The following SORCS1 variants were observed in gnomAD, a reference collection of about 807,000 sequenced individuals.
SORCS1 encodes the protein sortilin related VPS10 domain containing receptor 1.
A neutral mutation model predicts 146.1 loss-of-function variants in SORCS1; 60 were observed. That is an observed-to-expected ratio of 0.41 (90% CI 0.33 to 0.51). The LOEUF is 0.51. SORCS1 is among the 20% of genes least tolerant of loss of function. The probability of loss-of-function intolerance (pLI) is 0.21; values close to 1 mark genes in which losing one functional copy is unlikely to be tolerated. For missense variants in SORCS1, 1,352 were observed against 1,487.6 expected, an observed-to-expected ratio of 0.91 and a Z score of 1.50; for synonymous variants, 637 against 584.0, an observed-to-expected ratio of 1.09 and a Z score of -1.31.
intron 2 of SORCS1, among the ~76,000 whole-genome samples, chr10:106,942,206 C>A (rs919481422): frequency 6.6e-6 from 1 of 152,178 alleles, no homozygotes; most frequent in Non-Finnish European, 1.5e-5. Flanking sequence ...AATTCACACT[C>A]CTCTGGGTAT....
chr10:106,896,807 G>A (rs539120530), intron 2 of SORCS1, among the ~76,000 whole-genome samples: 65 of 151,658 alleles, frequency 4.3e-4, no homozygotes, highest in Admixed American at 1.4e-3. Flanking sequence ...TTCACAGGGA[G>A]AGATGAAATG....
At chr10:107,073,246 G>A (rs187782535) in intron 1 of SORCS1, among the ~76,000 whole-genome samples, 2 of 152,226 alleles carry the variant, frequency 1.3e-5, no homozygotes, top group Non-Finnish European at 2.9e-5. Flanking sequence ...ATTTTCTAAG[G>A]AGCATTTCCG....
At chr10:106,579,271 C>T (rs756707130) in intron 25 of SORCS1, 98 bp downstream of exon 25, 2 of 1,613,876 alleles carry the variant, frequency 1.2e-6, no homozygotes, top group East Asian at 2.2e-5. Flanking sequence ...TAATAGAAAC[C>T]ATCACTGCTA....
chr10:106,660,143 C>T (rs569417590), intron 17 of SORCS1, among the ~76,000 whole-genome samples: 1 of 152,222 alleles, frequency 6.6e-6, no homozygotes, highest in African/African-American at 2.4e-5. Context: ...ACAAGGCAAC[C>T]AAAACAGAAT....
intron 3 of SORCS1, among the ~76,000 whole-genome samples, chr10:106,819,484 G>A (rs1374754820): frequency 6.6e-6 from 1 of 152,178 alleles, no homozygotes; most frequent in African/African-American, 2.4e-5. Flanking sequence ...AATAGGTGCT[G>A]AGTTGGTATA....
intron 24 of SORCS1, among the ~76,000 whole-genome samples, chr10:106,580,908 A>C (rs1844862475): frequency 6.6e-6 from 1 of 152,114 alleles, no homozygotes; most frequent in Admixed American, 6.5e-5. Context: ...CACTGAATAT[A>C]AGGAACCCCC....
intron 1 of SORCS1, among the ~76,000 whole-genome samples, chr10:107,151,586 G>T (rs926102355): frequency 2.0e-5 from 3 of 152,122 alleles, no homozygotes; most frequent in African/African-American, 7.2e-5. Flanking sequence ...AATAGCACAG[G>T]AAAGACCAAC....
At chr10:106,730,597 C>T (rs1221547749) in intron 5 of SORCS1, among the ~76,000 whole-genome samples, 2 of 152,204 alleles carry the variant, frequency 1.3e-5, no homozygotes, top group Non-Finnish European at 2.9e-5. Flanking sequence ...GCAGCAGTTA[C>T]AGCAGAGTGA....
chr10:106,708,630 T>C (rs185095625), intron 7 of SORCS1, among the ~76,000 whole-genome samples: 2 of 152,312 alleles, frequency 1.3e-5, no homozygotes, highest in African/African-American at 4.8e-5. Context: ...TTCTCCACTC[T>C]CTTGGGGGTG....
chr10:106,588,194 C>T (rs1845359624), intron 24 of SORCS1, among the ~76,000 whole-genome samples: 1 of 152,194 alleles, frequency 6.6e-6, no homozygotes, highest in South Asian at 2.1e-4. Context: ...TCTTGGCTGG[C>T]CTTTGCCATT....
intron 2 of SORCS1, among the ~76,000 whole-genome samples, chr10:106,911,697 G>A (rs1952164894): frequency 6.6e-6 from 1 of 152,110 alleles, no homozygotes; most frequent in Non-Finnish European, 1.5e-5. Flanking sequence ...TCTCAACCCT[G>A]GTTGTCCATT....
At chr10:106,611,706 T>C (rs1226210807) in intron 22 of SORCS1, among the ~76,000 whole-genome samples, 2 of 152,218 alleles carry the variant, frequency 1.3e-5, no homozygotes, top group Non-Finnish European at 2.9e-5. Context: ...CGTGGTTCCA[T>C]AGTTGCATCC....
chr10:107,079,279 G>A (rs976749179), intron 1 of SORCS1, among the ~76,000 whole-genome samples: 2 of 151,852 alleles, frequency 1.3e-5, no homozygotes, highest in East Asian at 3.9e-4. Flanking sequence ...TGAAAGACAT[G>A]GTACCTTTCA....
intron 2 of SORCS1, among the ~76,000 whole-genome samples, chr10:106,940,906 T>A (rs1954010257): frequency 6.6e-6 from 1 of 152,000 alleles, no homozygotes; most frequent in Non-Finnish European, 1.5e-5. Context: ...ATAAAAAAAA[T>A]TATTCTCTGT....
intron 1 of SORCS1, among the ~76,000 whole-genome samples, chr10:107,066,585 T>G (rs1961879958): frequency 6.6e-6 from 1 of 152,212 alleles, no homozygotes; most frequent in Non-Finnish European, 1.5e-5. Context: ...TGAAGTACAA[T>G]GATCAAGTCA....
chr10:107,063,978 C>T (rs1366314530), intron 1 of SORCS1, among the ~76,000 whole-genome samples: 1 of 152,136 alleles, frequency 6.6e-6, no homozygotes, highest in Non-Finnish European at 1.5e-5. Flanking sequence ...CAGTAGAATT[C>T]AACACTTTCT....
chr10:106,968,044 G>GA (rs34595773), intron 1 of SORCS1, among the ~76,000 whole-genome samples: 5,667 of 127,748 alleles, frequency 0.044, 308 homozygotes, highest in African/African-American at 0.13. Flanking sequence ...CTCTACTAAA[G>GA]AAAAAAAAAA....
At position 106,878,620 on chromosome 10, in the gene SORCS1, G is replaced by GTATATATA. The variant is rs3982430; in HGVS notation, c.627-48955_627-48948dup. On this transcript the variant is annotated intron_variant, in intron 2 of 25. Coordinates refer to ENST00000263054, the MANE Select transcript of SORCS1 (RefSeq NM_052918.5). The stretch of plus-strand genomic sequence containing the variant: ...AAATTTGTTTTTTATAAACTACCTA[G>GTATATATA]TATATATATATATATATATATATAT... 4.5e-3 allele frequency among the ~76,000 whole-genome samples: 384 copies of GTATATATA among 84,912 alleles called. 5 individuals are homozygous for GTATATATA. The highest frequency in any genetic ancestry group is 0.016 in the African/African-American group (353 of 21,778). 55.7% of individuals were successfully genotyped at this position (84,912 alleles called of 152,430 possible).
intron 21 of SORCS1, among the ~76,000 whole-genome samples, chr10:106,612,809 G>A (rs1229914678): frequency 1.3e-5 from 2 of 152,038 alleles, no homozygotes; most frequent in Non-Finnish European, 2.9e-5. Context: ...CTAGTTCTAG[G>A]TTCTGCGCTC....
Sources: allele counts gnomAD v4.1 joint callset (sites outside exome capture counted in the v4.1 genomes callset), GRCh38; gene constraint gnomAD v4.1.1; transcripts MANE v1.5; gene names NCBI Gene and HGNC (gene_info 2026-07-23, HGNC 2026-07-21).